The following MEGF10 variants were observed in gnomAD, a reference collection of about 807,000 sequenced individuals.
The protein encoded by MEGF10 is multiple EGF like domains 10.
MEGF10 carries 86 observed loss-of-function variants against 147.5 expected under a neutral mutation model. The observed-to-expected ratio is 0.58, with a 90% CI of 0.49 to 0.70. The LOEUF is 0.70. Ranked by LOEUF, MEGF10 falls within the 30% of genes least tolerant of loss-of-function variation. The pLI is 0.00. For synonymous variants in MEGF10, 478 were observed against 525.5 expected (o/e 0.91, Z 1.24); for missense variants, 1,329 against 1,487.3 (o/e 0.89, Z 1.75).
At chr5:127,409,894 AG>A (rs1274635908) in intron 8 of MEGF10, 1 of 166,910 alleles carries the variant, frequency 6.0e-6, no homozygotes, top group African/African-American at 2.4e-5. Context: ...TTTAAGTAAG[AG>A]TAAAAACGTG....
At chr5:127,361,738 T>C (rs1762476993) in intron 4 of MEGF10, among the ~76,000 whole-genome samples, 1 of 152,178 alleles carries the variant, frequency 6.6e-6, no homozygotes, top group African/African-American at 2.4e-5. Flanking sequence ...TCATTTACTT[T>C]AAAATACTTT....
chr5:127,306,851 T>TG (rs923247607), intron 1 of MEGF10, among the ~76,000 whole-genome samples: 9 of 152,156 alleles, frequency 5.9e-5, no homozygotes, highest in African/African-American at 2.2e-4. Context: ...TGCTGGGTTG[T>TG]GGGGGGTGGT....
At chr5:127,332,120 G>A (rs1761285543) in intron 2 of MEGF10, among the ~76,000 whole-genome samples, 1 of 152,048 alleles carries the variant, frequency 6.6e-6, no homozygotes, top group South Asian at 2.1e-4. Context: ...GCAATTTGCA[G>A]TAGAAAGTAC....
Position 127,331,434 on chromosome 5 carries a change from T to C in MEGF10, c.116+10T>C, listed in dbSNP as rs10519949. Reference sequence around the variant, plus strand: ...GTAGCCACTGGGAAAGGTAATGGTTTTGAAAGGAGCCTGACAAAGAATTGC... The same window carrying C: ...GTAGCCACTGGGAAAGGTAATGGTTCTGAAAGGAGCCTGACAAAGAATTGC... On this transcript the variant is annotated intron_variant, in intron 2 of 24. Transcript: ENST00000503335. 0.022 allele frequency: 34,025 copies of C among 1,516,882 alleles called. 917 individuals are homozygous for C. The highest frequency in any genetic ancestry group is 0.11 in the East Asian group (4,958 of 44,356). 94.0% of individuals were successfully genotyped at this position (1,516,882 alleles called of 1,614,324 possible).
In MEGF10 at chr5:127,420,055, G is replaced by A. The variant is rs1248824615; in HGVS notation, c.1438G>A (p.Val480Met). ...TTCTTGTCGCACAGGCTGGCACGGG[G>A]TGGACTGCTCCATCAGATGTCCCAG... Reference protein sequence around the residue: ...SCTCKAGWHGVDCSIRCPSGT... With the variant: ...SCTCKAGWHGMDCSIRCPSGT... Residue 480 changes from valine to methionine, a missense_variant, in exon 12 of 25, where the codon GTG becomes ATG. Coordinates refer to ENST00000503335, the MANE Select transcript of MEGF10 (RefSeq NM_001256545.2). 11 of 1,614,142 alleles carry A rather than the reference G, an allele frequency of 6.8e-6. No individual in the cohort carries two copies. The East Asian group carries it at 2.5e-4, about 36-fold the overall frequency.
chr5:127,286,592 G>A (rs546262935), upstream of MEGF10, among the ~76,000 whole-genome samples: 4 of 151,664 alleles, frequency 2.6e-5, no homozygotes, highest in East Asian at 3.9e-4. Flanking sequence ...TATTAGAGAG[G>A]AGTTTATAAT....
intron 4 of MEGF10, among the ~76,000 whole-genome samples, chr5:127,352,483 G>A (rs184533893): frequency 5.7e-4 from 87 of 152,242 alleles, no homozygotes; most frequent in African/African-American, 2.0e-3. Context: ...CCAACATGGC[G>A]AAACCTCGTC....
intron 9 of MEGF10, among the ~76,000 whole-genome samples, chr5:127,414,416 C>G (rs1348805208): frequency 6.6e-6 from 1 of 152,048 alleles, no homozygotes; most frequent in East Asian, 1.9e-4. Context: ...CAGCACATTG[C>G]TGAGACTTAC....
chr5:127,395,072 CT>C (rs368256613), intron 5 of MEGF10, among the ~76,000 whole-genome samples: 2 of 151,960 alleles, frequency 1.3e-5, no homozygotes, highest in Admixed American at 6.6e-5. Context: ...TGAAATGAAA[CT>C]TTTTTTTAAT....
chr5:127,355,477 T>G (rs73344966), intron 4 of MEGF10, among the ~76,000 whole-genome samples: 9,635 of 152,188 alleles, frequency 0.063, 633 homozygotes, highest in African/African-American at 0.16. Context: ...GCCACCGGCA[T>G]TGAATTTTTT....
intron 24 of MEGF10, among the ~76,000 whole-genome samples, chr5:127,456,486 A>T (rs1003355583): frequency 2.6e-5 from 4 of 152,186 alleles, no homozygotes; most frequent in African/African-American, 9.7e-5. Context: ...TAACTTTAAA[A>T]TATTCTCTAC....
intron 5 of MEGF10, among the ~76,000 whole-genome samples, chr5:127,376,548 A>C (rs1390986350): frequency 6.6e-6 from 1 of 152,070 alleles, no homozygotes; most frequent in Non-Finnish European, 1.5e-5. Flanking sequence ...TGGGATGGAG[A>C]ATCTGAGGAA....
intron 1 of MEGF10, among the ~76,000 whole-genome samples, chr5:127,301,339 G>C (rs1490712282): frequency 6.6e-6 from 1 of 152,132 alleles, no homozygotes; most frequent in Non-Finnish European, 1.5e-5. Context: ...GAACATTCCA[G>C]CTTGCTTTTA....
intron 4 of MEGF10, among the ~76,000 whole-genome samples, chr5:127,356,436 A>C (rs568641475): frequency 1.5e-4 from 23 of 152,324 alleles, no homozygotes; most frequent in African/African-American, 5.5e-4. Flanking sequence ...GCTCCAAGAG[A>C]GTTAAGACAG....
intron 4 of MEGF10, among the ~76,000 whole-genome samples, chr5:127,358,949 A>C (rs189493039): frequency 6.6e-6 from 1 of 152,326 alleles, no homozygotes; most frequent in Non-Finnish European, 1.5e-5. Context: ...TTAAGCTAAA[A>C]ACTCTTTCTG....
intron 1 of MEGF10, among the ~76,000 whole-genome samples, chr5:127,313,208 C>T (rs907116557): frequency 2.6e-5 from 4 of 152,158 alleles, no homozygotes; most frequent in East Asian, 1.9e-4. Flanking sequence ...TCTATGGGAT[C>T]GTGTAGATTT....
chr5:127,346,638 A>G (rs754573484), intron 4 of MEGF10, among the ~76,000 whole-genome samples: 4 of 152,148 alleles, frequency 2.6e-5, no homozygotes, highest in African/African-American at 4.8e-5. Flanking sequence ...TAGATTGTGA[A>G]GATTTTCTCC....
intron 2 of MEGF10, among the ~76,000 whole-genome samples, chr5:127,334,464 A>G (rs1761388540): frequency 6.6e-6 from 1 of 152,196 alleles, no homozygotes; most frequent in Admixed American, 6.5e-5. Context: ...AAACAAAAAT[A>G]CTTCCATCAA....
At chr5:127,398,607 G>A (rs1007462024) in intron 6 of MEGF10, 69 bp from the exon 7 acceptor site, 23 of 1,596,062 alleles carry the variant, frequency 1.4e-5, no homozygotes, top group Non-Finnish European at 2.0e-5. Flanking sequence ...GGGGACCCTG[G>A]GTACAGTGAA....
Sources: gnomAD v4.1 joint callset for allele counts (sites outside exome capture counted in the v4.1 genomes callset) on GRCh38, gnomAD v4.1.1 for gene constraint, MANE v1.5 for transcripts, NCBI Gene and HGNC (gene_info 2026-07-23, HGNC 2026-07-21) for gene names.